Variants in NR1H4 observed in about 807,000 individuals in gnomAD.
NR1H4 encodes the protein nuclear receptor subfamily 1 group H member 4.
In NR1H4, 23 loss-of-function variants were observed where a neutral mutation model predicts 58.5. The ratio of observed to expected loss-of-function variants is 0.39; its 90% confidence interval spans 0.28 to 0.56. The LOEUF (loss-of-function observed/expected upper bound fraction) is 0.56, where lower values mean the gene tolerates loss of function less well. Ranked by LOEUF, NR1H4 falls within the 20% of genes least tolerant of loss-of-function variation. The pLI, the probability that NR1H4 is intolerant of heterozygous loss-of-function variation, is 0.58. For synonymous variants in NR1H4, 214 were observed against 198.0 expected (o/e 1.08, Z -0.68); for missense variants, 487 against 576.9 (o/e 0.84, Z 1.60).
chr12:100,527,644 T>A (rs1056199164), intron 4 of NR1H4, among the ~76,000 whole-genome samples: 5 of 152,212 alleles, frequency 3.3e-5, no homozygotes, highest in Non-Finnish European at 7.3e-5. Context: ...TGTAACTCAG[T>A]CTCCTCTTTG....
chr12:100,510,607 T>TTTTATATATA (rs373001024), intron 3 of NR1H4, among the ~76,000 whole-genome samples, 171 bp from the exon 4 acceptor site: 5 of 133,690 alleles, frequency 3.7e-5, no homozygotes, highest in African/African-American at 1.4e-4. Flanking sequence ...TCATTTAATT[T>TTTTATATATA]TATATATATA....
intron 3 of NR1H4, among the ~76,000 whole-genome samples, chr12:100,495,550 GTT>G: frequency 7.2e-6 from 1 of 139,466 alleles, no homozygotes; most frequent in South Asian, 2.3e-4. Context: ...GGCCAACATG[GTT>G]AAACCCTGTC....
chr12:100,543,794 GA>G (rs1954993646), intron 9 of NR1H4, among the ~76,000 whole-genome samples: 1 of 152,132 alleles, frequency 6.6e-6, no homozygotes, highest in Non-Finnish European at 1.5e-5. Context: ...AGGACAGGCT[GA>G]ATTTTCACAT....
chr12:100,547,641 A>G (rs1955102232), intron 9 of NR1H4, among the ~76,000 whole-genome samples: 1 of 152,102 alleles, frequency 6.6e-6, no homozygotes, highest in Non-Finnish European at 1.5e-5. Flanking sequence ...GCTGCCACAT[A>G]TTGCTGGAGC....
At chr12:100,490,659 TATC>T (rs1330300624) in intron 1 of NR1H4, among the ~76,000 whole-genome samples, 2 of 152,214 alleles carry the variant, frequency 1.3e-5, no homozygotes, top group Admixed American at 6.5e-5. Context: ...ACATATTTAG[TATC>T]ATGATTCATA....
chr12:100,509,912 C>CGT (rs764740023), intron 3 of NR1H4, among the ~76,000 whole-genome samples: 3 of 143,910 alleles, frequency 2.1e-5, no homozygotes, highest in South Asian at 4.3e-4. Context: ...TGGGCACGTG[C>CGT]GCGCACACAC....
intron 9 of NR1H4, among the ~76,000 whole-genome samples, chr12:100,547,057 C>G (rs576963651): frequency 2.0e-5 from 3 of 152,282 alleles, no homozygotes; most frequent in African/African-American, 4.8e-5. Flanking sequence ...CCAATTCACT[C>G]TTATACTTAT....
chr12:100,493,495 T>C, intron 3 of NR1H4, 93 bp downstream of exon 3: 1 of 714,056 alleles, frequency 1.4e-6, no homozygotes, highest in East Asian at 2.7e-5. Flanking sequence ...CAGCCCAGGG[T>C]CAAGAACATG....
intron 5 of NR1H4, 69 bp downstream of exon 5, chr12:100,532,679 C>T (rs371596020): frequency 7.5e-5 from 104 of 1,390,914 alleles, no homozygotes; most frequent in Non-Finnish European, 9.2e-5. Flanking sequence ...TAACTCATCA[C>T]GAGAGTGCTA....
At chr12:100,500,653 A>G (rs1953813105) in intron 3 of NR1H4, among the ~76,000 whole-genome samples, 1 of 152,198 alleles carries the variant, frequency 6.6e-6, no homozygotes, top group South Asian at 2.1e-4. Context: ...TGATTGGATC[A>G]TGGGGGTGGT....
At chr12:100,543,900 T>A (rs893846491) in intron 9 of NR1H4, among the ~76,000 whole-genome samples, 10 of 152,128 alleles carry the variant, frequency 6.6e-5, no homozygotes, top group African/African-American at 2.2e-4. Context: ...GTTCAGCAGC[T>A]TAGCTTTGTC....
intron 5 of NR1H4, 72 bp downstream of exon 5, chr12:100,532,682 G>A (rs1954723891): frequency 7.3e-7 from 1 of 1,370,938 alleles, no homozygotes; most frequent in African/African-American, 1.4e-5. Context: ...CTCATCACGA[G>A]AGTGCTACTT....
intron 4 of NR1H4, among the ~76,000 whole-genome samples, chr12:100,513,798 CAGAAAGGA>C (rs1233494260): frequency 9.3e-4 from 81 of 87,382 alleles, no homozygotes; most frequent in African/African-American, 3.8e-3. Flanking sequence ...CCGTCAAAGA[CAGAAAGGA>C]AGGAAGGAAG....
Position 100,493,349 on chromosome 12 carries a change from A to T in NR1H4, c.26A>T (p.Glu9Val), listed in dbSNP as rs1953644004. 2 of 1,577,524 alleles carry T rather than the reference A, an allele frequency of 1.3e-6. No individual in the cohort carries two copies. The highest frequency in any genetic ancestry group is 4.5e-5 in the East Asian group (2 of 44,468). The change falls in exon 3 of 11, where the codon GAA (glutamate) becomes GTA (valine). Residue 9 changes from glutamate to valine, a missense_variant. By Grantham distance (121) the Glu-to-Val change is moderately radical. Coordinates refer to ENST00000392986, the MANE Select transcript of NR1H4 (RefSeq NM_001206979.2). ...ATGGGATCAAAAATGAATCTCATTGAACATTCCCATTTACCTACCACAGAT... is the reference window on the plus strand; with the variant it reads ...ATGGGATCAAAAATGAATCTCATTGTACATTCCCATTTACCTACCACAGAT... MGSKMNLI[E>V]HSHLPTTDEF...
chr12:100,503,328 C>G (rs750737066), intron 3 of NR1H4: 47 of 1,556,976 alleles, frequency 3.0e-5, no homozygotes, highest in Non-Finnish European at 4.0e-5. Flanking sequence ...AACCACACAA[C>G]CTCTGTCCTC....
At chr12:100,524,230 G>GA (rs1261054640) in intron 4 of NR1H4, among the ~76,000 whole-genome samples, 8 of 152,096 alleles carry the variant, frequency 5.3e-5, no homozygotes, top group African/African-American at 1.9e-4. Context: ...CTACACTCAA[G>GA]AAAAAAATGG....
chr12:100,536,463 G>A, intron 6 of NR1H4, 49 bp from the exon 7 acceptor site: 1 of 1,077,104 alleles, frequency 9.3e-7, no homozygotes, highest in South Asian at 1.3e-5. Context: ...ATAGAAAGAA[G>A]GCTTTATACA....
At chr12:100,557,453 A>C (rs1955356262) in intron 9 of NR1H4, among the ~76,000 whole-genome samples, 2 of 152,254 alleles carry the variant, frequency 1.3e-5, no homozygotes, top group Admixed American at 1.3e-4. Context: ...TTACATTTCA[A>C]CATGAGATTT....
intron 8 of NR1H4, among the ~76,000 whole-genome samples, chr12:100,540,278 A>G (rs1476118013): frequency 6.6e-6 from 1 of 152,184 alleles, no homozygotes; most frequent in Non-Finnish European, 1.5e-5. Context: ...TTAGCCAAAT[A>G]TTCTGGGTGC....
Sources: gnomAD v4.1 joint callset for allele counts (sites outside exome capture counted in the v4.1 genomes callset) on GRCh38, gnomAD v4.1.1 for gene constraint, MANE v1.5 for transcripts, NCBI Gene and HGNC (gene_info 2026-07-23, HGNC 2026-07-21) for gene names.